Variants in OSTN observed in about 807,000 individuals in gnomAD.
OSTN encodes the protein osteocrin.
In OSTN, 9 loss-of-function variants were observed where a neutral mutation model predicts 12.0. The ratio of observed to expected loss-of-function variants is 0.75; its 90% confidence interval spans 0.45 to 1.30. The LOEUF (loss-of-function observed/expected upper bound fraction) is 1.30. OSTN is among the 50% of genes most tolerant of loss of function. OSTN has a pLI of 0.00. For synonymous variants in OSTN, 59 were observed against 56.9 expected (o/e 1.04, Z -0.16); for missense variants, 148 against 152.3 (o/e 0.97, Z 0.15).
chr3:191,242,524 AT>A (rs369027852), intron 3 of OSTN, among the ~76,000 whole-genome samples: 65 of 152,178 alleles, frequency 4.3e-4, no homozygotes, highest in African/African-American at 1.5e-3. Context: ...AAGAAACATG[AT>A]TTTTTACTCA....
At chr3:191,254,796 A>G (rs573333390) in intron 4 of OSTN, among the ~76,000 whole-genome samples, 15 of 152,348 alleles carry the variant, frequency 9.8e-5, no homozygotes, top group Admixed American at 1.3e-4. Flanking sequence ...GATTGGCCAT[A>G]CAAGGTCTTT....
Position 191,218,876 on chromosome 3 carries a change from A to G in OSTN, c.232A>G (p.Thr78Ala). The G allele has an allele frequency of 6.2e-7, 1 of 1,614,130 alleles. No individual in the cohort carries two copies. Among genetic ancestry groups the G allele is most frequent in the South Asian group, 1.1e-5 (1 of 91,082 alleles). The change falls in exon 3 of 5, where the codon ACA becomes GCA. Residue 78 changes from threonine to alanine, a missense_variant. By Grantham distance (58) the Thr-to-Ala change is moderately conservative. Coordinates refer to ENST00000682035, the MANE Select transcript of OSTN (RefSeq NM_198184.2). ...GTCCCTAGAAAATGATGTGATTGAGACAAAGAAGAAAAGGAGTTTCTCTGG... is the reference window on the plus strand; with the variant it reads ...GTCCCTAGAAAATGATGTGATTGAGGCAAAGAAGAAAAGGAGTTTCTCTGG... Reference protein sequence around the residue: ...LVSLENDVIETKKKRSFSGFG... With the variant: ...LVSLENDVIEAKKKRSFSGFG...
intron 3 of OSTN, among the ~76,000 whole-genome samples, chr3:191,222,728 A>C (rs777743926): frequency 2.0e-5 from 3 of 152,120 alleles, no homozygotes; most frequent in Non-Finnish European, 2.9e-5. Flanking sequence ...CTGTGTCCCC[A>C]TCCAAATGTT....
intron 3 of OSTN, among the ~76,000 whole-genome samples, chr3:191,220,618 C>T (rs1243629409): frequency 6.6e-6 from 1 of 152,128 alleles, no homozygotes; most frequent in Non-Finnish European, 1.5e-5. Context: ...TATGTTCCAG[C>T]ACCACCACTG....
intron 3 of OSTN, among the ~76,000 whole-genome samples, chr3:191,237,244 A>G (rs1715212950): frequency 6.6e-6 from 1 of 152,216 alleles, no homozygotes; most frequent in African/African-American, 2.4e-5. Flanking sequence ...TGAATAAGAT[A>G]TTTGTCAAAG....
chr3:191,249,648 T>C (rs1395702243), intron 3 of OSTN, among the ~76,000 whole-genome samples: 1 of 152,138 alleles, frequency 6.6e-6, no homozygotes, highest in Non-Finnish European at 1.5e-5. Context: ...GCAAAGTTTG[T>C]GAAAAACTAC....
chr3:191,212,757 T>C (rs558747106), intron 2 of OSTN, 123 bp downstream of exon 2: 1 of 175,570 alleles, frequency 5.7e-6, no homozygotes, highest in Non-Finnish European at 1.0e-5. Context: ...ATTTATATAT[T>C]TATATATCAT....
chr3:191,244,839 C>CAGATATCTA (rs1202527776), intron 3 of OSTN, among the ~76,000 whole-genome samples: 7 of 150,186 alleles, frequency 4.7e-5, no homozygotes, highest in African/African-American at 1.7e-4. Flanking sequence ...ATTTGATGTC[C>CAGATATCTA]AGATATCTAT....
intron 3 of OSTN, among the ~76,000 whole-genome samples, chr3:191,234,873 C>A (rs1715151180): frequency 6.6e-6 from 1 of 151,964 alleles, no homozygotes. Flanking sequence ...TGATCCACAC[C>A]AAAGCCAGAG....
chr3:191,221,837 T>G (rs577023703), intron 3 of OSTN, among the ~76,000 whole-genome samples: 1 of 152,128 alleles, frequency 6.6e-6, no homozygotes, highest in Non-Finnish European at 1.5e-5. Context: ...ATGTCAGAAG[T>G]CTTCACAGCA....
In OSTN at chr3:191,262,984, T is replaced by C. The variant is rs1576907417; in HGVS notation, c.*131T>C. 6 of 665,762 alleles carry C rather than the reference T, an allele frequency of 9.0e-6. No homozygotes were observed. The East Asian group carries it at 1.4e-4, about 15-fold the overall frequency. 41.2% of individuals were successfully genotyped at this position (665,762 alleles called of 1,614,324 possible). On this transcript the variant is annotated 3_prime_UTR_variant, in exon 5 of 5. Coordinates refer to ENST00000682035, the MANE Select transcript of OSTN (RefSeq NM_198184.2). ...ACCTTCTGCAAATCCTTTCCAAAGCTTGAACTTCAGTCCATCACATTACAG... is the reference window on the plus strand; with the variant it reads ...ACCTTCTGCAAATCCTTTCCAAAGCCTGAACTTCAGTCCATCACATTACAG...
At position 191,218,759 on chromosome 3, in the gene OSTN, G is replaced by A. The variant is rs749879736; in HGVS notation, c.115G>A (p.Gly39Arg). The A allele has an allele frequency of 5.6e-6, 9 of 1,613,738 alleles. No individual in the cohort carries two copies. Among genetic ancestry groups the A allele is most frequent in the Non-Finnish European group, 7.6e-6 (9 of 1,179,826 alleles). ...CTCTGCCTTATAGGCCTTTGATTCT[G>A]GAGTCATAGATGTGCAGTCAACACC... is the stretch of plus-strand genomic sequence containing the variant. ...DVTTTEAFDS[G>R]VIDVQSTPTV... is the part of the protein sequence containing the mutation. The change falls in exon 3 of 5, where the codon GGA becomes AGA. Residue 39 changes from glycine to arginine, a missense_variant. Gly to Arg is a moderately radical substitution (Grantham distance 125). Transcript: ENST00000682035.
intron 1 of OSTN, among the ~76,000 whole-genome samples, chr3:191,200,751 G>A (rs1714134837): frequency 6.6e-6 from 1 of 152,144 alleles, no homozygotes; most frequent in Non-Finnish European, 1.5e-5. Flanking sequence ...TAAAACCTCA[G>A]TATCACAGAA....
chr3:191,264,447 CT>C lies in OSTN; in HGVS notation c.*1596del, dbSNP rs1159295577. ...TCTGGATATTTTTAAAATTGAAAGT[CT>C]TCAAAATTAATTTAGGAAAAATAGT... On this transcript the variant is annotated 3_prime_UTR_variant, in exon 5 of 5. Transcript: ENST00000682035. The C allele has an allele frequency of 2.0e-5, 3 of 151,982 alleles. No individual in the cohort carries two copies. Among genetic ancestry groups the C allele is most frequent in the Non-Finnish European group, 4.4e-5 (3 of 67,936 alleles). The allele number at this position is 151,982 out of a possible 1,614,324, so 9.4% of individuals were successfully genotyped here. A position where few individuals can be genotyped will look rare whatever the true frequency, so the allele number is the denominator to read the frequency against.
chr3:191,234,405 G>T (rs1010787675), intron 3 of OSTN, among the ~76,000 whole-genome samples: 6 of 151,922 alleles, frequency 3.9e-5, no homozygotes, highest in African/African-American at 1.5e-4. Flanking sequence ...CTTGAGAAAA[G>T]TAGTGACTTG....
chr3:191,210,805 C>T (rs9842080), intron 1 of OSTN, among the ~76,000 whole-genome samples: 52,687 of 151,986 alleles, frequency 0.35, 11,311 homozygotes, highest in African/African-American at 0.59. Context: ...TACTAAGTGG[C>T]AAAGCTTGTG....
At chr3:191,261,941 G>A (rs986673797) in intron 4 of OSTN, among the ~76,000 whole-genome samples, 17 of 152,206 alleles carry the variant, frequency 1.1e-4, no homozygotes, top group Non-Finnish European at 2.1e-4. Context: ...TATTGGCCGG[G>A]TGCGGTGGCT....
At chr3:191,243,991 A>G (rs1715376575) in intron 3 of OSTN, among the ~76,000 whole-genome samples, 1 of 152,120 alleles carries the variant, frequency 6.6e-6, no homozygotes, top group Non-Finnish European at 1.5e-5. Context: ...GGACTGAGCC[A>G]TGAGACAGCT....
At chr3:191,235,848 T>C (rs559192172) in intron 3 of OSTN, among the ~76,000 whole-genome samples, 8 of 152,204 alleles carry the variant, frequency 5.3e-5, no homozygotes, top group Non-Finnish European at 1.2e-4. Flanking sequence ...AGTGAAGCAG[T>C]TCTTGGTGCA....
Sources: gnomAD v4.1 joint callset for allele counts (sites outside exome capture counted in the v4.1 genomes callset) on GRCh38, gnomAD v4.1.1 for gene constraint, MANE v1.5 for transcripts, NCBI Gene and HGNC (gene_info 2026-07-23, HGNC 2026-07-21) for gene names.